The following SEMA6A variants were observed in gnomAD, a reference collection of about 807,000 sequenced individuals.
SEMA6A encodes the protein semaphorin 6A, also known as semaphorin-6A.
In SEMA6A, 25 loss-of-function variants were observed where a neutral mutation model predicts 96.8. That is an observed-to-expected ratio of 0.26 (90% CI 0.19 to 0.36). SEMA6A has a LOEUF of 0.36. SEMA6A is among the 10% of genes least tolerant of loss of function. The pLI is 1.00. For missense variants in SEMA6A, 1,363 were observed against 1,323.1 expected, an observed-to-expected ratio of 1.03 and a Z score of -0.47; for synonymous variants, 612 against 518.0, an observed-to-expected ratio of 1.18 and a Z score of -2.46.
At chr5:116,476,628 A>C (rs1337702136) in intron 15 of SEMA6A, among the ~76,000 whole-genome samples, 1 of 152,176 alleles carries the variant, frequency 6.6e-6, no homozygotes, top group Non-Finnish European at 1.5e-5. Context: ...TAAGGAAACT[A>C]TTTTGGGGTT....
chr5:116,533,179 A>G (rs1561521990), intron 1 of SEMA6A, among the ~76,000 whole-genome samples: 1 of 152,194 alleles, frequency 6.6e-6, no homozygotes, highest in Non-Finnish European at 1.5e-5. Context: ...GCTCTGTACA[A>G]CTAAATACAC....
At chr5:116,524,682 T>C (rs1759125637) in intron 1 of SEMA6A, among the ~76,000 whole-genome samples, 1 of 152,034 alleles carries the variant, frequency 6.6e-6, no homozygotes, top group East Asian at 1.9e-4. Context: ...ATGCTACACT[T>C]AGGGTTAAAG....
chr5:116,526,012 A>G (rs1006188064), intron 1 of SEMA6A, among the ~76,000 whole-genome samples: 6 of 151,872 alleles, frequency 4.0e-5, no homozygotes, highest in Non-Finnish European at 7.4e-5. Flanking sequence ...AATATATACC[A>G]GAATTTCAAT....
chr5:116,517,325 T>G (rs1174971612), intron 1 of SEMA6A, among the ~76,000 whole-genome samples: 2 of 152,082 alleles, frequency 1.3e-5, no homozygotes, highest in Non-Finnish European at 2.9e-5. Flanking sequence ...ACTACATGCC[T>G]TCGTTCCTAA....
intron 1 of SEMA6A, among the ~76,000 whole-genome samples, chr5:116,521,098 G>A (rs2112815304): frequency 6.6e-6 from 1 of 152,292 alleles, no homozygotes; most frequent in South Asian, 2.1e-4. Flanking sequence ...GGAGACAGAT[G>A]GCAAGAACCT....
chr5:116,458,326 C>T (rs558863964), intron 18 of SEMA6A, among the ~76,000 whole-genome samples: 19 of 152,264 alleles, frequency 1.2e-4, no homozygotes, highest in African/African-American at 3.8e-4. Context: ...ACCTAGTCCC[C>T]GTAGTCCTTG....
intron 16 of SEMA6A, among the ~76,000 whole-genome samples, chr5:116,474,236 T>A (rs1049743800): frequency 6.6e-6 from 1 of 151,624 alleles, no homozygotes; most frequent in Non-Finnish European, 1.5e-5. Flanking sequence ...AAATAGCTCA[T>A]TAACATCAGC....
Position 116,445,867 on chromosome 5 carries a change from T to C in SEMA6A, c.*746A>G, listed in dbSNP as rs1754146814. 1 of 152,668 alleles carries C rather than the reference T, an allele frequency of 6.6e-6. No individual in the cohort carries two copies. Among genetic ancestry groups the C allele is most frequent in the East Asian group, 1.9e-4 (1 of 5,204 alleles). The allele number at this position is 152,668 out of a possible 1,614,324, so 9.5% of individuals were successfully genotyped here. On this transcript the variant is annotated 3_prime_UTR_variant, in exon 19 of 19. Transcript: ENST00000343348. ...CTGAAGAGCTGTTCATAGGATGATA[T>C]TTGGAAGAGTCCTTTCCTTAAGGAA... is the stretch of plus-strand genomic sequence containing the variant.
At chr5:116,528,203 C>T (rs539960091) in intron 1 of SEMA6A, among the ~76,000 whole-genome samples, 2 of 152,218 alleles carry the variant, frequency 1.3e-5, no homozygotes, top group East Asian at 1.9e-4. Context: ...TAATATAGTA[C>T]CCGATTTGCT....
At chr5:116,478,778 G>T (rs1334433241) in intron 12 of SEMA6A, 60 bp from the exon 13 acceptor site, 2 of 1,524,954 alleles carry the variant, frequency 1.3e-6, no homozygotes, top group African/African-American at 2.8e-5. Flanking sequence ...AGTGTTCCCT[G>T]TTCCACTTCA....
At chr5:116,558,410 C>G (rs894560241) in intron 1 of SEMA6A, among the ~76,000 whole-genome samples, 1 of 152,042 alleles carries the variant, frequency 6.6e-6, no homozygotes, top group Non-Finnish European at 1.5e-5. Flanking sequence ...AGGTTTTAAG[C>G]CCCGCATGCT....
Position 116,447,230 on chromosome 5 carries a change from G to A in SEMA6A, c.2476C>T (p.Gln826Ter), listed in dbSNP as rs1431735783. 6.2e-7 allele frequency: 1 copy of A among 1,613,938 alleles called. No individual in the cohort carries two copies. The highest frequency in any genetic ancestry group is 1.3e-5 in the African/African-American group (1 of 74,950). Residue 826 changes from glutamine (Q) to a stop codon, truncating the protein, a stop_gained, in exon 19 of 19, where the codon CAG (glutamine) becomes TAG (stop). Coordinates refer to ENST00000343348, the MANE Select transcript of SEMA6A (RefSeq NM_020796.5). LOFTEE classifies it high-confidence loss of function. ...TTGGGCTGGTCCACGTACTCATGCT[G>A]GTAGCCCTGCTGCGTGATGGGCAGG... ...VVLPITQQGY[Q>*]HEYVDQPKMS... is the part of the protein sequence containing the mutation.
In SEMA6A at chr5:116,449,463, C is replaced by G. The variant is rs151183092; in HGVS notation, c.1895-1652G>C. ...TCTACCCCTTCCCAAGCCCACAACA[C>G]GCAACCTTAAACTTCTACTGAAATG... On this transcript the variant is annotated intron_variant, in intron 18 of 18. Transcript: ENST00000343348. The G allele has an allele frequency of 6.1e-6, 4 of 658,030 alleles. No homozygotes were observed. The South Asian group carries it at 6.7e-5, about 11-fold the overall frequency. The allele number at this position is 658,030 out of a possible 1,614,324, so 40.8% of individuals were successfully genotyped here. A position where few individuals can be genotyped will look rare whatever the true frequency, so the allele number is the denominator to read the frequency against.
At chr5:116,550,332 C>G (rs1760355465) in intron 1 of SEMA6A, 1 of 152,088 alleles carries the variant, frequency 6.6e-6, no homozygotes, top group African/African-American at 2.4e-5. Context: ...GAAAATGATC[C>G]TCTCTAAGGT....
At chr5:116,541,279 T>G (rs1386552037) in intron 1 of SEMA6A, among the ~76,000 whole-genome samples, 1 of 152,226 alleles carries the variant, frequency 6.6e-6, no homozygotes, top group East Asian at 1.9e-4. Context: ...CATCTTTATC[T>G]AAACCTACTG....
rs1202842266 is a variant in SEMA6A, at chr5:116,444,799, TTGTG to T, written c.*1810_*1813del. 1 of 152,324 alleles carries T rather than the reference TTGTG, an allele frequency of 6.6e-6. No homozygotes were observed. The highest frequency in any genetic ancestry group is 2.4e-5 in the African/African-American group (1 of 41,482). 9.4% of individuals were successfully genotyped at this position (152,324 alleles called of 1,614,324 possible). On this transcript the variant is annotated 3_prime_UTR_variant, in exon 19 of 19. Coordinates refer to ENST00000343348, the MANE Select transcript of SEMA6A (RefSeq NM_020796.5). ...CTGCATCTATTTCCATGTCATTTCT[TTGTG>T]TGCACTGCACGTGTGTGCTGTGCAC... is the stretch of plus-strand genomic sequence containing the variant.
At chr5:116,467,772 G>A in intron 17 of SEMA6A, 25 bp from the exon 18 acceptor site, 2 of 1,612,122 alleles carry the variant, frequency 1.2e-6, no homozygotes, top group South Asian at 1.1e-5. Flanking sequence ...AATACAGTTA[G>A]GAAAACATCA....
At chr5:116,499,720 T>G (rs888267116) in intron 3 of SEMA6A, among the ~76,000 whole-genome samples, 1 of 152,214 alleles carries the variant, frequency 6.6e-6, no homozygotes, top group African/African-American at 2.4e-5. Context: ...ATGAGCTTAT[T>G]TGATAGTTTC....
In SEMA6A at chr5:116,475,465, A is replaced by G. The variant is rs748155253; in HGVS notation, c.1708+80T>C. The G allele has an allele frequency of 1.4e-5, 13 of 922,374 alleles. No homozygotes were observed. The Admixed American group carries it at 2.8e-4, about 20-fold the overall frequency. 57.1% of individuals were successfully genotyped at this position (922,374 alleles called of 1,614,324 possible). A position where few individuals can be genotyped will look rare whatever the true frequency, so the allele number is the denominator to read the frequency against. On this transcript the variant is annotated intron_variant, in intron 16 of 18. Transcript: ENST00000343348. ...TTTAGTGTCAGCTGCACTCAGTTCC[A>G]CATGTGAGCTGATGTTTCTAGGCCA...
Sources: allele counts gnomAD v4.1 joint callset (sites outside exome capture counted in the v4.1 genomes callset), GRCh38; gene constraint gnomAD v4.1.1; transcripts MANE v1.5; gene names NCBI Gene and HGNC (gene_info 2026-07-23, HGNC 2026-07-21).